Variants in PAFAH1B1 observed in about 807,000 individuals in gnomAD.
PAFAH1B1 encodes platelet activating factor acetylhydrolase 1b regulatory subunit 1, also known as platelet-activating factor acetylhydrolase IB subunit beta.
PAFAH1B1 carries 2 observed loss-of-function variants against 57.5 expected under a neutral mutation model. That is an observed-to-expected ratio of 0.03 (90% CI 0.01 to 0.11). The LOEUF (loss-of-function observed/expected upper bound fraction) is 0.11. Ranked by LOEUF, PAFAH1B1 falls within the 10% of genes least tolerant of loss-of-function variation. The pLI is 1.00. For synonymous variants in PAFAH1B1, 152 were observed against 169.6 expected, an observed-to-expected ratio of 0.90 and a Z score of 0.81; for missense variants, 257 against 512.0, an observed-to-expected ratio of 0.50 and a Z score of 4.81.
intron 1 of PAFAH1B1, among the ~76,000 whole-genome samples, chr17:2,626,570 C>T (rs966265699): frequency 1.3e-5 from 1 of 76,116 alleles, no homozygotes; most frequent in South Asian, 5.9e-4. Flanking sequence ...CCCCCCCCCC[C>T]CGAGGCGGAG....
chr17:2,613,100 A>T (rs1269237020), intron 1 of PAFAH1B1, among the ~76,000 whole-genome samples: 1 of 145,416 alleles, frequency 6.9e-6, no homozygotes, highest in African/African-American at 2.5e-5. Flanking sequence ...GTTTTGTTGG[A>T]ACAAAACCAT....
rs1411169520 is a variant in PAFAH1B1, at chr17:2,670,259, G to A, written c.496G>A (p.Ala166Thr). The A allele has an allele frequency of 1.9e-6, 3 of 1,614,154 alleles. No individual in the cohort carries two copies. The highest frequency in any genetic ancestry group is 2.5e-6 in the Non-Finnish European group (3 of 1,180,008). The change falls in exon 6 of 11, where the codon GCT (alanine) becomes ACT (threonine). Residue 166 changes from alanine (A) to threonine (T), a missense_variant. Coordinates refer to ENST00000397195, the MANE Select transcript of PAFAH1B1 (RefSeq NM_000430.4). ...ISFDHSGKLL[A>T]SCSADMTIKL... ...ATTCGACCACAGCGGCAAGCTTCTGGCTTCCTGTTCTGCAGATATGACCAT... is the reference window on the plus strand; with the variant it reads ...ATTCGACCACAGCGGCAAGCTTCTGACTTCCTGTTCTGCAGATATGACCAT...
intron 2 of PAFAH1B1, among the ~76,000 whole-genome samples, chr17:2,644,919 C>T (rs2068746466): frequency 6.6e-6 from 1 of 152,080 alleles, no homozygotes; most frequent in Non-Finnish European, 1.5e-5. Context: ...TTTCAGATGA[C>T]TAAATTTATA....
intron 1 of PAFAH1B1, among the ~76,000 whole-genome samples, chr17:2,619,787 C>T (rs2068394713): frequency 6.6e-6 from 1 of 152,002 alleles, no homozygotes. Flanking sequence ...GAACATCAAA[C>T]TTTTCTTTTA....
chr17:2,607,881 AT>A (rs1430373604), intron 1 of PAFAH1B1, among the ~76,000 whole-genome samples: 1 of 151,902 alleles, frequency 6.6e-6, no homozygotes, highest in African/African-American at 2.4e-5. Flanking sequence ...TTCGTTCCAT[AT>A]TTTTATGCAT....
intron 1 of PAFAH1B1, among the ~76,000 whole-genome samples, chr17:2,608,185 A>G (rs2151612954): frequency 6.6e-6 from 1 of 152,206 alleles, no homozygotes; most frequent in East Asian, 1.9e-4. Context: ...CCCAGGTTCA[A>G]GCGATTGTCC....
Position 2,620,551 on chromosome 17 carries a change from T to C in PAFAH1B1, c.-190-17548T>C, listed in dbSNP as rs553377360. 4.6e-5 allele frequency among the ~76,000 whole-genome samples: 7 copies of C among 152,290 alleles called. No individual in the cohort carries two copies. In the East Asian group the frequency reaches 1.3e-3, roughly 29 times the overall value. On this transcript the variant is annotated intron_variant, in intron 1 of 10. Transcript: ENST00000397195. ...AGTTTTTGTCTGGTTTTAAAAAGCTTGTAGAACCAGCATAACTAAGAAAGT... is the reference window on the plus strand; with the variant it reads ...AGTTTTTGTCTGGTTTTAAAAAGCTCGTAGAACCAGCATAACTAAGAAAGT...
Position 2,633,746 on chromosome 17 carries a change from T to G in PAFAH1B1, c.-190-4353T>G, listed in dbSNP as rs370734010. Reference sequence around the variant, plus strand: ...CATCCAACCTTACTTTGCTTGATAGTTGGACAGGTTTGGATACTGTTGATT... The same window carrying G: ...CATCCAACCTTACTTTGCTTGATAGGTGGACAGGTTTGGATACTGTTGATT... On this transcript the variant is annotated intron_variant, in intron 1 of 10. Transcript: ENST00000397195. Among the ~76,000 whole-genome samples, 8 of 152,224 alleles carry G rather than the reference T, an allele frequency of 5.3e-5. No individual in the cohort carries two copies. The East Asian group carries it at 7.7e-4, about 15-fold the overall frequency.
At chr17:2,673,098 A>C (rs1270262169) in intron 7 of PAFAH1B1, among the ~76,000 whole-genome samples, 1 of 152,146 alleles carries the variant, frequency 6.6e-6, no homozygotes, top group African/African-American at 2.4e-5. Flanking sequence ...CAGCTTAAAG[A>C]CATATTTATA....
chr17:2,653,418 T>TA (rs34906915), intron 2 of PAFAH1B1, among the ~76,000 whole-genome samples: 30,494 of 147,216 alleles, frequency 0.21, 3,294 homozygotes, highest in Middle Eastern at 0.29. Flanking sequence ...TTAAAAGTAT[T>TA]AAAAAAAAAA....
chr17:2,613,764 C>T (rs868717462), intron 1 of PAFAH1B1: 5 of 308,866 alleles, frequency 1.6e-5, no homozygotes, highest in South Asian at 8.0e-5. Context: ...CCCCCTGTGG[C>T]GCTGGGCCAG....
intron 3 of PAFAH1B1, 89 bp from the exon 4 acceptor site, chr17:2,665,927 A>C: frequency 8.1e-7 from 1 of 1,240,342 alleles, no homozygotes; most frequent in Non-Finnish European, 1.1e-6. Flanking sequence ...TCAGATTTTT[A>C]GTAATATTTG....
chr17:2,600,321 C>A (rs2068126965), intron 1 of PAFAH1B1, among the ~76,000 whole-genome samples: 1 of 151,764 alleles, frequency 6.6e-6, no homozygotes, highest in Non-Finnish European at 1.5e-5. Flanking sequence ...TGCCTGTAAT[C>A]CCAGGACTTT....
At chr17:2,641,756 G>A (rs529842919) in intron 2 of PAFAH1B1, 2 of 152,164 alleles carry the variant, frequency 1.3e-5, no homozygotes, top group African/African-American at 4.8e-5. Flanking sequence ...ACCAAGATAC[G>A]GGCACTAGGT....
intron 2 of PAFAH1B1, among the ~76,000 whole-genome samples, chr17:2,657,623 G>C (rs1489213882): frequency 1.3e-5 from 2 of 152,048 alleles, no homozygotes; most frequent in African/African-American, 4.8e-5. Flanking sequence ...ACTTGGTCCA[G>C]CTCAGCTCCC....
At chr17:2,674,994 GA>G (rs2069240486) in intron 8 of PAFAH1B1, among the ~76,000 whole-genome samples, 2 of 152,134 alleles carry the variant, frequency 1.3e-5, no homozygotes, top group Non-Finnish European at 2.9e-5. Flanking sequence ...GAATGAAAAT[GA>G]ATGGTCTAAA....
In PAFAH1B1 at chr17:2,638,225, G is replaced by C. The variant is rs759906120; in HGVS notation, c.-64G>C. 84 of 1,383,588 alleles carry C rather than the reference G, an allele frequency of 6.1e-5. No individual in the cohort carries two copies. The highest frequency in any genetic ancestry group is 2.5e-4 in the Middle Eastern group (1 of 4,072). 85.7% of individuals were successfully genotyped at this position (1,383,588 alleles called of 1,614,324 possible). ...AAATTATAAGTCCACGGATCAAAAA[G>C]CTTTTTGATTTCCCAAAGGAGGGAC... On this transcript the variant is annotated 5_prime_UTR_variant, in exon 2 of 11. Transcript: ENST00000397195.
intron 2 of PAFAH1B1, among the ~76,000 whole-genome samples, chr17:2,642,971 C>G (rs1396032494): frequency 2.0e-5 from 3 of 152,156 alleles, no homozygotes; most frequent in African/African-American, 4.8e-5. Context: ...TTACCCCCAA[C>G]TCCTTTCATC....
chr17:2,622,820 C>A (rs1463458733), intron 1 of PAFAH1B1, among the ~76,000 whole-genome samples: 1 of 152,254 alleles, frequency 6.6e-6, no homozygotes, highest in Non-Finnish European at 1.5e-5. Context: ...GTCCCTGCAG[C>A]AAACTTTTGC....
Sources: allele counts gnomAD v4.1 joint callset (sites outside exome capture counted in the v4.1 genomes callset), GRCh38; gene constraint gnomAD v4.1.1; transcripts MANE v1.5; gene names NCBI Gene and HGNC (gene_info 2026-07-23, HGNC 2026-07-21).